Variants in CCDC85C observed in about 807,000 individuals in gnomAD.
CCDC85C encodes the protein coiled-coil domain-containing protein 85C.
A neutral mutation model predicts 38.3 loss-of-function variants in CCDC85C; 18 were observed. That is an observed-to-expected ratio of 0.47 (90% confidence interval 0.33 to 0.70). The LOEUF (loss-of-function observed/expected upper bound fraction) is 0.70, where lower values mean the gene tolerates loss of function less well. Among genes scored for constraint, CCDC85C ranks in the 30% least tolerant of loss-of-function variants. The pLI, the probability that CCDC85C is intolerant of heterozygous loss-of-function variation, is 0.03. For synonymous variants in CCDC85C, 264 were observed against 293.8 expected (o/e 0.90, Z 1.04); for missense variants, 566 against 621.2 (o/e 0.91, Z 0.94).
chr14:99,554,757 A>G (rs10146981), intron 1 of CCDC85C, among the ~76,000 whole-genome samples: 80,465 of 151,774 alleles, frequency 0.53, 21,484 homozygotes, highest in African/African-American at 0.58. Flanking sequence ...CTTGAAGCTC[A>G]TCATCATAAA....
rs1897287174 is a variant in CCDC85C at position 99,520,441 on chromosome 14, ACGGCCCCTGCACCT to A, written c.975+1678_975+1691del. The stretch of plus-strand genomic sequence containing the variant: ...GCCTGCCCGCCGACCAGCCCCGATC[ACGGCCCCTGCACCT>A]CAGTTCATCCCATTCCTGGGGGCCT... On this transcript the variant is annotated intron_variant, in intron 3 of 5. Coordinates refer to ENST00000380243, the MANE Select transcript of CCDC85C (RefSeq NM_001144995.2). This position sits in a 1 kb window ranked among gnomAD's most constrained non-coding sequence, Gnocchi z 4.1. Among the ~76,000 whole-genome samples the A allele has an allele frequency of 9.9e-6, 1 of 100,546 alleles. No individual in the cohort carries two copies. Among genetic ancestry groups the A allele is most frequent in the Non-Finnish European group, 2.5e-5 (1 of 39,508 alleles). The allele number at this position is 100,546 out of a possible 152,430, so 66.0% of individuals were successfully genotyped here.
At chr14:99,577,796 A>AGT (rs60084575) in intron 1 of CCDC85C, among the ~76,000 whole-genome samples, 6,336 of 125,056 alleles carry the variant, frequency 0.051, 610 homozygotes, top group African/African-American at 0.18. Flanking sequence ...ATCCCCCATC[A>AGT]GTGTGTGTGT....
At chr14:99,527,673 G>A (rs914931652) in intron 2 of CCDC85C, among the ~76,000 whole-genome samples, 4 of 152,166 alleles carry the variant, frequency 2.6e-5, no homozygotes, top group Non-Finnish European at 5.9e-5. Flanking sequence ...TGCAACCCAC[G>A]CAGAACCCTC....
chr14:99,575,889 G>A (rs569628935), intron 1 of CCDC85C, among the ~76,000 whole-genome samples: 80 of 152,328 alleles, frequency 5.3e-4, no homozygotes, highest in African/African-American at 1.9e-3. Flanking sequence ...GTGGTTCACA[G>A]CTGCCTACAG....
At chr14:99,578,087 C>A (rs1034274208) in intron 1 of CCDC85C, among the ~76,000 whole-genome samples, 2 of 139,292 alleles carry the variant, frequency 1.4e-5, no homozygotes, top group Non-Finnish European at 3.0e-5. Flanking sequence ...ACCCATACAG[C>A]CCGTCCTGTA....
In CCDC85C at chr14:99,505,757, T is replaced by G. The variant is rs1236709599; in HGVS notation, c.*9489A>C. 6 of 152,198 alleles carry G rather than the reference T, an allele frequency of 3.9e-5. No individual in the cohort carries two copies. Among genetic ancestry groups the G allele is most frequent in the Non-Finnish European group, 8.8e-5 (6 of 68,052 alleles). The allele number at this position is 152,198 out of a possible 1,614,324, so 9.4% of individuals were successfully genotyped here. ...CTATGGTCCCAGCTACTTGGGAGAC[T>G]CAGGCAGCAAGATCACTTGAGCCTG... is the stretch of plus-strand genomic sequence containing the variant. On this transcript the variant is annotated 3_prime_UTR_variant, in exon 6 of 6. Transcript: ENST00000380243.
intron 1 of CCDC85C, among the ~76,000 whole-genome samples, chr14:99,593,935 G>C (rs2055116165): frequency 7.2e-6 from 1 of 139,318 alleles, no homozygotes; most frequent in African/African-American, 2.7e-5. Context: ...AAGCCAAAAG[G>C]TATATATTTT....
intron 2 of CCDC85C, among the ~76,000 whole-genome samples, chr14:99,527,798 A>C (rs1191617832): frequency 6.6e-6 from 1 of 151,810 alleles, no homozygotes; most frequent in Non-Finnish European, 1.5e-5. Context: ...GTCTCCACTA[A>C]CTCATGCAGA....
Position 99,510,255 on chromosome 14 carries a change from C to A in CCDC85C, c.*4991G>T. On this transcript the variant is annotated 3_prime_UTR_variant, in exon 6 of 6. Coordinates refer to ENST00000380243, the MANE Select transcript of CCDC85C (RefSeq NM_001144995.2). ...CAAAGTCCAGATTCCCCCTCCGGCC[C>A]ACCCGGCCCCTGTGCACCAGCCACC... 2 of 1,563,372 alleles carry A rather than the reference C, an allele frequency of 1.3e-6. No individual in the cohort carries two copies. The highest frequency in any genetic ancestry group is 1.7e-6 in the Non-Finnish European group (2 of 1,158,798).
At chr14:99,543,169 G>A (rs959608951) in intron 1 of CCDC85C, among the ~76,000 whole-genome samples, 2 of 152,208 alleles carry the variant, frequency 1.3e-5, no homozygotes, top group Non-Finnish European at 2.9e-5. Context: ...TTGGGCAGAA[G>A]CCTCTGGAAC....
intron 1 of CCDC85C, 32 bp from the exon 2 acceptor site, chr14:99,536,120 G>C (rs748364286): frequency 1.4e-6 from 2 of 1,458,156 alleles, no homozygotes; most frequent in South Asian, 2.4e-5. Context: ...GGGGACATTA[G>C]CCTCCAGCAG....
chr14:99,502,427 T>C lies in CCDC85C; in HGVS notation c.*12819A>G. ...TGAGGGTGTTCCATGTTGAGATGATTCTTCCATGTGTACCCTGAGTCCCAA... is the reference window on the plus strand; with the variant it reads ...TGAGGGTGTTCCATGTTGAGATGATCCTTCCATGTGTACCCTGAGTCCCAA... On this transcript the variant is annotated 3_prime_UTR_variant, in exon 6 of 6. Coordinates refer to ENST00000380243, the MANE Select transcript of CCDC85C (RefSeq NM_001144995.2). The C allele has an allele frequency of 1.3e-6, 2 of 1,589,618 alleles. No homozygotes were observed. The highest frequency in any genetic ancestry group is 1.7e-6 in the Non-Finnish European group (2 of 1,167,388).
In CCDC85C at chr14:99,588,562, G is replaced by A. The variant is rs1183927879; in HGVS notation, c.793+14605C>T. 6.6e-6 allele frequency among the ~76,000 whole-genome samples: 1 copy of A among 152,138 alleles called. No individual in the cohort carries two copies. Among genetic ancestry groups the A allele is most frequent in the African/African-American group, 2.4e-5 (1 of 41,446 alleles). On this transcript the variant is annotated intron_variant, in intron 1 of 5. Transcript: ENST00000380243. This position sits in a 1 kb window ranked among gnomAD's most constrained non-coding sequence, Gnocchi z 5.0. Reference sequence around the variant, plus strand: ...TTCTCATTTTTATTCTGCTCCTGCTGGCGATGGCGCTGGCCCGGGAGGCCT... The same window carrying A: ...TTCTCATTTTTATTCTGCTCCTGCTAGCGATGGCGCTGGCCCGGGAGGCCT...
chr14:99,538,098 C>T (rs2139921533), intron 1 of CCDC85C, among the ~76,000 whole-genome samples: 1 of 152,326 alleles, frequency 6.6e-6, no homozygotes, highest in Middle Eastern at 3.4e-3. Context: ...GGGGTACCCA[C>T]TGTCCCATGT....
chr14:99,550,716 A>T (rs1487381032), intron 1 of CCDC85C, among the ~76,000 whole-genome samples: 6 of 152,218 alleles, frequency 3.9e-5, no homozygotes, highest in African/African-American at 1.4e-4. Flanking sequence ...CAGATACTTC[A>T]CAAAAACTGC....
intron 1 of CCDC85C, among the ~76,000 whole-genome samples, chr14:99,601,171 A>G (rs1025337495): frequency 2.0e-5 from 3 of 152,196 alleles, no homozygotes; most frequent in Non-Finnish European, 4.4e-5. Context: ...TAATAATTCC[A>G]TCTGTAACCG....
rs1897201254 is a variant in CCDC85C, at chr14:99,515,155, G to A, written c.*91C>T. 3 of 889,370 alleles carry A rather than the reference G, an allele frequency of 3.4e-6. No homozygotes were observed. In the South Asian group the frequency reaches 4.8e-5, roughly 14 times the overall value. The allele number at this position is 889,370 out of a possible 1,614,324, so 55.1% of individuals were successfully genotyped here. ...GTTCACCACAGAGGAAGAAGACAGG[G>A]GCTGGGCTGGAGGTCCTGCCCGTGT... On this transcript the variant is annotated 3_prime_UTR_variant, in exon 6 of 6. Transcript: ENST00000380243.
At chr14:99,601,976 G>T (rs2055203551) in intron 1 of CCDC85C, among the ~76,000 whole-genome samples, 1 of 140,596 alleles carries the variant, frequency 7.1e-6, no homozygotes, top group Non-Finnish European at 1.5e-5. Flanking sequence ...AGGAGAAAAC[G>T]TCCCTCCCCA....
intron 2 of CCDC85C, among the ~76,000 whole-genome samples, chr14:99,527,018 G>A (rs937941739): frequency 2.6e-5 from 4 of 152,156 alleles, no homozygotes; most frequent in African/African-American, 9.7e-5. Context: ...AGAGAAAGCA[G>A]GGAGGATGCA....
Sources: gnomAD v4.1 joint callset for allele counts (sites outside exome capture counted in the v4.1 genomes callset) on GRCh38, gnomAD v4.1.1 for gene constraint, Gnocchi (gnomAD v3.1) non-coding constraint, MANE v1.5 for transcripts, NCBI Gene and HGNC (gene_info 2026-07-23, HGNC 2026-07-21) for gene names.